The following CFDP1 variants were observed in gnomAD, a reference collection of about 807,000 sequenced individuals.
The protein encoded by CFDP1 is chromatin remodeling protein CFDP1.
A neutral mutation model predicts 40.1 loss-of-function variants in CFDP1; 31 were observed. That is an observed-to-expected ratio of 0.77 (90% CI 0.58 to 1.04). CFDP1 has a LOEUF of 1.04. Ranked by LOEUF, CFDP1 falls within the 50% of genes least tolerant of loss-of-function variation. CFDP1 has a pLI of 0.00. For synonymous variants in CFDP1, 167 were observed against 120.0 expected (o/e 1.39, Z -2.56); for missense variants, 423 against 343.4 (o/e 1.23, Z -1.83).
intron 1 of CFDP1, among the ~76,000 whole-genome samples, chr16:75,428,750 A>G (rs1000529763): frequency 1.3e-5 from 2 of 152,156 alleles, no homozygotes; most frequent in Non-Finnish European, 2.9e-5. Context: ...ATTATAGGAA[A>G]AAAAAGTTCT....
chr16:75,323,519 G>A (rs146335917), intron 5 of CFDP1, among the ~76,000 whole-genome samples: 58 of 151,334 alleles, frequency 3.8e-4, no homozygotes, highest in South Asian at 1.0e-3. Flanking sequence ...AGTGGCTCAC[G>A]CCTGTAATCC....
At chr16:75,352,571 T>A (rs958476836) in intron 5 of CFDP1, among the ~76,000 whole-genome samples, 5 of 152,096 alleles carry the variant, frequency 3.3e-5, no homozygotes, top group African/African-American at 1.2e-4. Context: ...TCTATCTTTT[T>A]AAAAAAATAA....
rs1290463712 is a variant in CFDP1 at position 75,431,226 on chromosome 16, C to T, written c.64+2063G>A. Among the ~76,000 whole-genome samples the T allele has an allele frequency of 4.6e-5, 7 of 151,572 alleles. No homozygotes were observed. In the East Asian group the frequency reaches 9.7e-4, roughly 21 times the overall value. ...CAGCACTCAGGGAGGCCGAGGCGGGCAGACCATTTGAGGTCAGGAGTTTGA... is the reference window on the plus strand; with the variant it reads ...CAGCACTCAGGGAGGCCGAGGCGGGTAGACCATTTGAGGTCAGGAGTTTGA... On this transcript the variant is annotated intron_variant, in intron 1 of 6. Coordinates refer to ENST00000283882, the MANE Select transcript of CFDP1 (RefSeq NM_006324.3).
At chr16:75,386,682 G>A (rs150500050) in intron 5 of CFDP1, among the ~76,000 whole-genome samples, 2,109 of 152,222 alleles carry the variant, frequency 0.014, 44 homozygotes, top group African/African-American at 0.048. Flanking sequence ...CCGAGATCCC[G>A]ACACTGCACT....
In CFDP1 at chr16:75,411,972, T is replaced by C; in HGVS notation, c.403-20A>G. 2 of 1,577,548 alleles carry C rather than the reference T, an allele frequency of 1.3e-6. No individual in the cohort carries two copies. Among genetic ancestry groups the C allele is most frequent in the Non-Finnish European group, 1.7e-6 (2 of 1,170,922 alleles). ...TCCTTTCTATAAAAAAAACAAGAAA[T>C]GTAATGTTTCACCAAAAGATGAACC... On this transcript the variant is annotated intron_variant, in intron 3 of 6. Coordinates refer to ENST00000283882, the MANE Select transcript of CFDP1 (RefSeq NM_006324.3).
intron 5 of CFDP1, among the ~76,000 whole-genome samples, chr16:75,326,695 G>C (rs2078403693): frequency 6.6e-6 from 1 of 152,138 alleles, no homozygotes; most frequent in Non-Finnish European, 1.5e-5. Context: ...AAAAAGAAGA[G>C]CCTAAAATCT....
Position 75,305,013 on chromosome 16 carries a change from C to A in CFDP1, c.809+11G>T. 6.2e-7 allele frequency: 1 copy of A among 1,611,224 alleles called. No homozygotes were observed. The highest frequency in any genetic ancestry group is 8.5e-7 in the Non-Finnish European group (1 of 1,177,936). ...AGGATTTTCCAAGGCATAAAACCTA[C>A]TCCTTCTTACCCCTCTTTCCCTCGA... On this transcript the variant is annotated intron_variant, in intron 6 of 6. Coordinates refer to ENST00000283882, the MANE Select transcript of CFDP1 (RefSeq NM_006324.3).
chr16:75,314,553 T>C (rs1177184476), intron 5 of CFDP1, among the ~76,000 whole-genome samples: 5 of 152,242 alleles, frequency 3.3e-5, no homozygotes, highest in Non-Finnish European at 5.9e-5. Context: ...GTAATGAATA[T>C]GTCCTAAGTT....
In CFDP1 at chr16:75,385,800, T is replaced by A. The variant is rs1393370292; in HGVS notation, c.650+9290A>T. On this transcript the variant is annotated intron_variant, in intron 5 of 6. Coordinates refer to ENST00000283882, the MANE Select transcript of CFDP1 (RefSeq NM_006324.3). ...TACTGTTTTAAAGTTAACCAAAATATATTCACTTCATTCCTAGAGTATCAT... is the reference window on the plus strand; with the variant it reads ...TACTGTTTTAAAGTTAACCAAAATAAATTCACTTCATTCCTAGAGTATCAT... Among the ~76,000 whole-genome samples, 3 of 152,194 alleles carry A rather than the reference T, an allele frequency of 2.0e-5. No individual in the cohort carries two copies. The East Asian group carries it at 5.8e-4, about 29-fold the overall frequency.
chr16:75,311,430 T>C (rs138314515), intron 5 of CFDP1, among the ~76,000 whole-genome samples: 72 of 152,306 alleles, frequency 4.7e-4, no homozygotes, highest in African/African-American at 1.7e-3. Flanking sequence ...TGAGCCACTA[T>C]GCCCAATCTA....
At chr16:75,353,731 A>G (rs1005962505) in intron 5 of CFDP1, among the ~76,000 whole-genome samples, 1 of 145,760 alleles carries the variant, frequency 6.9e-6, no homozygotes, top group African/African-American at 2.6e-5. Flanking sequence ...CCTGGGCGAC[A>G]CAGCAAAAGT....
intron 5 of CFDP1, chr16:75,391,566 T>C (rs2078951097): frequency 1.3e-5 from 2 of 152,210 alleles, no homozygotes; most frequent in African/African-American, 4.8e-5. Flanking sequence ...TAAGGGTAAA[T>C]ATTTCACCAA....
In CFDP1 at chr16:75,405,968, A is replaced by G. The variant is rs539198205; in HGVS notation, c.530+5857T>C. ...AAAAAATTTATGTAGATGGTCAGAC[A>G]TGGTGGCTCACACCTGTAATCCCAG... On this transcript the variant is annotated intron_variant, in intron 4 of 6. Transcript: ENST00000283882. 3.3e-5 allele frequency among the ~76,000 whole-genome samples: 5 copies of G among 151,908 alleles called. No homozygotes were observed. In the South Asian group the frequency reaches 8.3e-4, roughly 25 times the overall value.
intron 1 of CFDP1, among the ~76,000 whole-genome samples, chr16:75,417,669 T>G (rs954177114): frequency 6.6e-6 from 1 of 152,134 alleles, no homozygotes; most frequent in African/African-American, 2.4e-5. Flanking sequence ...CTACAGAACT[T>G]TGAAAATCTC....
chr16:75,429,940 G>T (rs965218922), intron 1 of CFDP1, among the ~76,000 whole-genome samples: 1 of 152,110 alleles, frequency 6.6e-6, no homozygotes, highest in Non-Finnish European at 1.5e-5. Context: ...GCCCAAGGTG[G>T]TTGGGGTGCA....
intron 5 of CFDP1, among the ~76,000 whole-genome samples, chr16:75,354,322 C>A (rs1443528474): frequency 6.6e-6 from 1 of 152,162 alleles, no homozygotes; most frequent in African/African-American, 2.4e-5. Context: ...TTGCTGAGTG[C>A]CTGCCACATA....
chr16:75,389,104 A>G (rs369026525), intron 5 of CFDP1, among the ~76,000 whole-genome samples: 4 of 152,322 alleles, frequency 2.6e-5, no homozygotes, highest in African/African-American at 9.6e-5. Flanking sequence ...TTTTAATGAC[A>G]CTAATGGTGG....
Position 75,294,054 on chromosome 16 carries a change from A to C in CFDP1, c.810-12T>G. 1 of 1,603,850 alleles carries C rather than the reference A, an allele frequency of 6.2e-7. No homozygotes were observed. Among genetic ancestry groups the C allele is most frequent in the Non-Finnish European group, 8.5e-7 (1 of 1,170,700 alleles). On this transcript the variant is annotated splice_polypyrimidine_tract_variant and intron_variant, in intron 6 of 6. Transcript: ENST00000283882. Reference sequence around the variant, plus strand: ...TCCGTTCAATGTACCTAGAAGATGAAAACAGTGTTTGTCAGTAGAATCCAG... The same window carrying C: ...TCCGTTCAATGTACCTAGAAGATGACAACAGTGTTTGTCAGTAGAATCCAG...
At chr16:75,339,538 C>T (rs565323082) in intron 5 of CFDP1, among the ~76,000 whole-genome samples, 2 of 152,034 alleles carry the variant, frequency 1.3e-5, no homozygotes, top group African/African-American at 2.4e-5. Context: ...TCTAGATCCT[C>T]GGTGTGTAAA....
Sources: gnomAD v4.1 joint callset for allele counts (sites outside exome capture counted in the v4.1 genomes callset) on GRCh38, gnomAD v4.1.1 for gene constraint, MANE v1.5 for transcripts, NCBI Gene and HGNC (gene_info 2026-07-23, HGNC 2026-07-21) for gene names.